The following NEBL variants were observed in gnomAD, a reference collection of about 807,000 sequenced individuals.
NEBL encodes the protein nebulette.
NEBL carries 122 observed loss-of-function variants against 140.2 expected under a neutral mutation model. The observed-to-expected ratio is 0.87, with a 90% CI of 0.75 to 1.01. The LOEUF is 1.01. Ranked by LOEUF, NEBL falls within the 50% of genes least tolerant of loss-of-function variation. The pLI is 0.00. For missense variants in NEBL, 1,365 were observed against 1,231.3 expected, an observed-to-expected ratio of 1.11 and a Z score of -1.62; for synonymous variants, 436 against 398.9, an observed-to-expected ratio of 1.09 and a Z score of -1.11.
At chr10:21,104,257 C>T (rs1040600527) in intron 2 of NEBL, among the ~76,000 whole-genome samples, 1 of 152,124 alleles carries the variant, frequency 6.6e-6, no homozygotes, top group Non-Finnish European at 1.5e-5. Context: ...AAGTCAAATT[C>T]TACAAAACAA....
chr10:20,961,773 A>G (rs1443645008), exon 4 of NEBL: 2 of 1,612,264 alleles, frequency 1.2e-6, no homozygotes, highest in Non-Finnish European at 8.5e-7. Flanking sequence ...TCTCTTTTGT[A>G]CTTGACCTAA....
rs544710668 is a variant in NEBL at position 20,946,249 on chromosome 10, A to G, written c.357+15423T>C. 2.0e-4 allele frequency among the ~76,000 whole-genome samples: 31 copies of G among 152,324 alleles called. 1 individual carries two copies. In the East Asian group the frequency reaches 5.6e-3, roughly 28 times the overall value. On this transcript the variant is annotated intron_variant, in intron 4 of 6. Coordinates refer to the NEBL transcript ENST00000417816. ...CAAAGTCTACATGTTGTTTCTGCAC[A>G]TGGAAATTGGATTTTCAAATAATCT...
intron 2 of NEBL, among the ~76,000 whole-genome samples, chr10:21,093,145 C>A (rs1836999496): frequency 1.3e-4 from 5 of 37,930 alleles, no homozygotes; most frequent in Admixed American, 4.3e-4. Flanking sequence ...CATTTAGCAA[C>A]AAGTCTTTTT....
At chr10:21,115,595 T>C (rs965777410) in intron 2 of NEBL, among the ~76,000 whole-genome samples, 3 of 152,132 alleles carry the variant, frequency 2.0e-5, no homozygotes, top group Admixed American at 6.6e-5. Context: ...TTGCATTGTT[T>C]CCAACAAGGA....
At chr10:21,165,196 G>A (rs532475820) in intron 2 of NEBL, among the ~76,000 whole-genome samples, 2 of 152,142 alleles carry the variant, frequency 1.3e-5, no homozygotes, top group Non-Finnish European at 2.9e-5. Flanking sequence ...TTTTCCCATT[G>A]TACAGATTAC....
At chr10:20,908,576 C>G (rs1848196919) in intron 4 of NEBL, among the ~76,000 whole-genome samples, 1 of 152,102 alleles carries the variant, frequency 6.6e-6, no homozygotes, top group African/African-American at 2.4e-5. Context: ...CATTTATGAG[C>G]AGTAGTGAGC....
At chr10:21,117,878 C>T (rs959129792) in intron 2 of NEBL, among the ~76,000 whole-genome samples, 2 of 149,832 alleles carry the variant, frequency 1.3e-5, no homozygotes, top group African/African-American at 4.9e-5. Flanking sequence ...TATGACCTTA[C>T]ATAAGTTATC....
chr10:20,858,574 A>G (rs1843340281), intron 8 of NEBL, among the ~76,000 whole-genome samples: 1 of 152,190 alleles, frequency 6.6e-6, no homozygotes, highest in Non-Finnish European at 1.5e-5. Context: ...TCACATATTC[A>G]GGAAGGGTAA....
chr10:20,950,755 A>G (rs1835418416), intron 4 of NEBL, among the ~76,000 whole-genome samples: 1 of 152,238 alleles, frequency 6.6e-6, no homozygotes, highest in Admixed American at 6.5e-5. Context: ...GCCTCACACA[A>G]TTACACAACA....
At chr10:21,102,623 A>T (rs1345559508) in intron 2 of NEBL, among the ~76,000 whole-genome samples, 1 of 152,100 alleles carries the variant, frequency 6.6e-6, no homozygotes, top group African/African-American at 2.4e-5. Flanking sequence ...TTGGATTTTC[A>T]TTCTTTTGAG....
chr10:21,024,300 C>A (rs1181218593), intron 2 of NEBL, among the ~76,000 whole-genome samples: 3 of 151,818 alleles, frequency 2.0e-5, no homozygotes, highest in South Asian at 2.1e-4. Context: ...TCTAAAGATG[C>A]ATAACAGGAA....
At chr10:21,029,505 C>T (rs754311599) in intron 2 of NEBL, 14 of 1,610,402 alleles carry the variant, frequency 8.7e-6, no homozygotes, top group East Asian at 2.2e-5. Context: ...TTCGAGTGGA[C>T]GTTGCTGATC....
At position 20,859,701 on chromosome 10, in the gene NEBL, A is replaced by T. The variant is rs1843461422; in HGVS notation, c.798+12T>A. On this transcript the variant is annotated intron_variant, in intron 8 of 27. Coordinates refer to ENST00000377122, the MANE Select transcript of NEBL (RefSeq NM_006393.3). ...AGATTTTGAAAATAATTTTCTATGA[A>T]TTACAACTTACATTGCTCGCCAGTG... 3 of 1,518,266 alleles carry T rather than the reference A, an allele frequency of 2.0e-6. No individual in the cohort carries two copies. The highest frequency in any genetic ancestry group is 3.4e-5 in the Admixed American group (2 of 59,066). 94.0% of individuals were successfully genotyped at this position (1,518,266 alleles called of 1,614,324 possible). A position where few individuals can be genotyped will look rare whatever the true frequency, so the allele number is the denominator to read the frequency against.
intron 3 of NEBL, among the ~76,000 whole-genome samples, chr10:20,980,806 A>G (rs928230870): frequency 6.6e-6 from 1 of 152,234 alleles, no homozygotes; most frequent in Non-Finnish European, 1.5e-5. Context: ...GTAAGTATCA[A>G]TGCTTTTTGA....
intron 2 of NEBL, among the ~76,000 whole-genome samples, chr10:21,119,721 G>A (rs1423150062): frequency 6.6e-6 from 1 of 151,820 alleles, no homozygotes; most frequent in East Asian, 1.9e-4. Context: ...ATCACACTCA[G>A]GAAATTGACC....
intron 11 of NEBL, among the ~76,000 whole-genome samples, chr10:20,847,400 A>G (rs1338570847): frequency 6.6e-6 from 1 of 152,214 alleles, no homozygotes; most frequent in Non-Finnish European, 1.5e-5. Flanking sequence ...TTGGGTGAAG[A>G]AAAGAGAGAC....
intron 4 of NEBL, among the ~76,000 whole-genome samples, chr10:20,951,773 T>C (rs970565013): frequency 2.0e-5 from 3 of 152,226 alleles, no homozygotes; most frequent in African/African-American, 7.2e-5. Flanking sequence ...CTGGTTTTTC[T>C]TTAACATTCA....
chr10:21,078,873 C>G (rs1422063732), intron 2 of NEBL, among the ~76,000 whole-genome samples: 3 of 152,228 alleles, frequency 2.0e-5, no homozygotes, highest in African/African-American at 7.2e-5. Flanking sequence ...CTTGGTGGCA[C>G]TGTTGATTCC....
chr10:21,236,409 G>A (rs1490228448), intron 3 of NEBL, among the ~76,000 whole-genome samples: 1 of 145,096 alleles, frequency 6.9e-6, no homozygotes, highest in Non-Finnish European at 1.5e-5. Flanking sequence ...GTGCAGTGGT[G>A]CAATCTCAGC....
Sources: gnomAD v4.1 joint callset for allele counts (sites outside exome capture counted in the v4.1 genomes callset) on GRCh38, gnomAD v4.1.1 for gene constraint, MANE v1.5 for transcripts, NCBI Gene and HGNC (gene_info 2026-07-23, HGNC 2026-07-21) for gene names.